The following SLC35D4 variants were observed in gnomAD, a reference collection of about 807,000 sequenced individuals.
The protein encoded by SLC35D4 is UDP-N-acetylglucosamine transporter SLC35D4.
chr18:23,239,887 GCAGGTGGAT>G, the SLC35D4 span, among the ~76,000 whole-genome samples: 1 of 152,200 alleles, frequency 6.6e-6, no homozygotes, highest in Non-Finnish European at 1.5e-5. Flanking sequence ...GGAGGCCAAG[GCAGGTGGAT>G]CACCTGAGGT....
At chr18:23,399,768 G>A in the SLC35D4 span, 3 of 890,922 alleles carry the variant, frequency 3.4e-6, no homozygotes, top group Admixed American at 2.2e-5. Flanking sequence ...AAAAATCCCT[G>A]GCAGACTTGT....
At chr18:23,365,827 T>C in the SLC35D4 span, among the ~76,000 whole-genome samples, 2 of 152,216 alleles carry the variant, frequency 1.3e-5, no homozygotes, top group Admixed American at 6.5e-5. Context: ...AGAGTAAGAA[T>C]GTCTTGAAAT....
At chr18:23,277,284 A>C in the SLC35D4 span, among the ~76,000 whole-genome samples, 1 of 152,212 alleles carries the variant, frequency 6.6e-6, no homozygotes, top group South Asian at 2.1e-4. Flanking sequence ...AATAAGTCTC[A>C]TGAGATCTGA....
At chr18:23,393,667 G>T in the SLC35D4 span, among the ~76,000 whole-genome samples, 1 of 151,974 alleles carries the variant, frequency 6.6e-6, no homozygotes, top group African/African-American at 2.4e-5. Context: ...GCCCAGGCTG[G>T]AGTGCAATGG....
the SLC35D4 span, among the ~76,000 whole-genome samples, chr18:23,317,320 G>A: frequency 6.6e-5 from 10 of 152,168 alleles, no homozygotes; most frequent in African/African-American, 2.4e-4. Context: ...TATGTTCCTA[G>A]TTTGAGTAAA....
At chr18:23,360,320 T>C in the SLC35D4 span, among the ~76,000 whole-genome samples, 1 of 152,084 alleles carries the variant, frequency 6.6e-6, no homozygotes, top group African/African-American at 2.4e-5. Context: ...CGTGAAAACA[T>C]AAGTCACAAA....
the SLC35D4 span, among the ~76,000 whole-genome samples, chr18:23,414,993 T>A: frequency 4.6e-5 from 7 of 152,062 alleles, no homozygotes; most frequent in Non-Finnish European, 8.8e-5. Context: ...ACACCTATAG[T>A]TTCAGCTACT....
chr18:23,276,630 T>C, the SLC35D4 span, among the ~76,000 whole-genome samples: 4 of 152,154 alleles, frequency 2.6e-5, no homozygotes, highest in African/African-American at 9.7e-5. Flanking sequence ...CCCACCCATA[T>C]GCACTTGAAG....
chr18:23,350,773 G>A, the SLC35D4 span, among the ~76,000 whole-genome samples: 10 of 152,108 alleles, frequency 6.6e-5, no homozygotes, highest in African/African-American at 2.4e-4. Context: ...TCTTGGAAGT[G>A]GTGGTAAGCC....
At chr18:23,283,740 C>T in the SLC35D4 span, among the ~76,000 whole-genome samples, 6 of 148,534 alleles carry the variant, frequency 4.0e-5, no homozygotes, top group African/African-American at 1.5e-4. Context: ...GCCTGGGAGG[C>T]GGAGGTTGCA....
chr18:23,291,162 G>C, the SLC35D4 span, among the ~76,000 whole-genome samples: 1 of 152,218 alleles, frequency 6.6e-6, no homozygotes, highest in Non-Finnish European at 1.5e-5. Context: ...GACCGTCTGG[G>C]ATCTTCCTCC....
the SLC35D4 span, among the ~76,000 whole-genome samples, chr18:23,290,227 C>T: frequency 3.9e-5 from 6 of 152,240 alleles, no homozygotes; most frequent in Non-Finnish European, 8.8e-5. Context: ...ACCATGGGGT[C>T]TGTTTCAAAT....
At chr18:23,239,979 G>A in the SLC35D4 span, among the ~76,000 whole-genome samples, 1 of 152,200 alleles carries the variant, frequency 6.6e-6, no homozygotes, top group African/African-American at 2.4e-5. Context: ...TTAGCCAGGT[G>A]TGGTGTTGCG....
chr18:23,430,304 C>A, the SLC35D4 span, among the ~76,000 whole-genome samples: 2 of 151,906 alleles, frequency 1.3e-5, no homozygotes, highest in Non-Finnish European at 2.9e-5. Context: ...GAACTCCTGG[C>A]CTCCTACAAT....
At chr18:23,418,964 C>T in the SLC35D4 span, among the ~76,000 whole-genome samples, 2 of 151,480 alleles carry the variant, frequency 1.3e-5, no homozygotes, top group South Asian at 2.1e-4. Flanking sequence ...GCTGAGATCG[C>T]GCCACTGCAC....
chr18:23,290,196 C>T, the SLC35D4 span, among the ~76,000 whole-genome samples: 89,870 of 152,052 alleles, frequency 0.59, 27,113 homozygotes, highest in Middle Eastern at 0.7. Context: ...ACCTCCCACA[C>T]GTTTCATGCC....
chr18:23,415,049 C>CTA, the SLC35D4 span, among the ~76,000 whole-genome samples: 2 of 152,112 alleles, frequency 1.3e-5, no homozygotes, highest in Non-Finnish European at 2.9e-5. Context: ...GAGTTGCAGG[C>CTA]TACAGTAAGC....
the SLC35D4 span, among the ~76,000 whole-genome samples, chr18:23,269,189 C>T: frequency 6.6e-6 from 1 of 152,170 alleles, no homozygotes; most frequent in East Asian, 1.9e-4. Context: ...ATTGTAGCTC[C>T]CATAATCCCC....
chr18:23,264,326 G>A, the SLC35D4 span, among the ~76,000 whole-genome samples: 1 of 151,328 alleles, frequency 6.6e-6, no homozygotes, highest in Admixed American at 6.6e-5. Context: ...AGGAGCAAGA[G>A]GGGTGGGAAG....
Sources: allele counts gnomAD v4.1 joint callset (sites outside exome capture counted in the v4.1 genomes callset), GRCh38; gene constraint gnomAD v4.1.1; transcripts MANE v1.5; gene names NCBI Gene and HGNC (gene_info 2026-07-23, HGNC 2026-07-21).